The following RASSF3 variants were observed in gnomAD, a reference collection of about 807,000 sequenced individuals.
RASSF3 encodes ras association domain-containing protein 3.
RASSF3 carries 19 observed loss-of-function variants against 19.9 expected under a neutral mutation model. The observed-to-expected ratio is 0.96, with a 90% confidence interval of 0.67 to 1.40. The LOEUF is 1.40. Among genes scored for constraint, RASSF3 ranks in the 40% most tolerant of loss-of-function variants. The pLI is 0.00. For missense variants in RASSF3, 306 were observed against 289.8 expected (o/e 1.06, Z -0.41); for synonymous variants, 110 against 104.2 (o/e 1.06, Z -0.34).
chr12:64,514,053 CTTT>C (rs763156753), intron 1 of RASSF3, among the ~76,000 whole-genome samples: 2 of 133,622 alleles, frequency 1.5e-5, no homozygotes, highest in Non-Finnish European at 1.6e-5. Context: ...CTACTTTTTG[CTTT>C]TTTTTTTTTT....
intron 1 of RASSF3, among the ~76,000 whole-genome samples, chr12:64,680,666 T>C (rs1592466402): frequency 6.6e-6 from 1 of 151,900 alleles, no homozygotes; most frequent in Non-Finnish European, 1.5e-5. Context: ...CAGGCTGGAG[T>C]GCAATGGCGT....
intron 2 of RASSF3, among the ~76,000 whole-genome samples, chr12:64,553,007 G>A (rs1430588589): frequency 5.3e-5 from 8 of 152,044 alleles, no homozygotes; most frequent in African/African-American, 1.7e-4. Context: ...TCAGGAGATC[G>A]AGACCAGCCT....
chr12:64,516,593 T>A (rs1164321208), intron 1 of RASSF3, among the ~76,000 whole-genome samples: 1 of 136,830 alleles, frequency 7.3e-6, no homozygotes, highest in African/African-American at 2.9e-5. Context: ...CACTCCAGCC[T>A]GGGCGACAGA....
At chr12:64,636,562 G>T (rs1252274543) in intron 1 of RASSF3, among the ~76,000 whole-genome samples, 1 of 151,954 alleles carries the variant, frequency 6.6e-6, no homozygotes, top group Non-Finnish European at 1.5e-5. Context: ...AAAGGACCTG[G>T]GTGAGTTCCA....
chr12:64,621,857 A>G (rs1870781954), intron 1 of RASSF3, among the ~76,000 whole-genome samples: 2 of 152,184 alleles, frequency 1.3e-5, no homozygotes, highest in Admixed American at 1.3e-4. Context: ...TAGTTACAAC[A>G]TGGGAAAGGC....
At chr12:64,614,137 T>C (rs1376795493) in intron 1 of RASSF3, among the ~76,000 whole-genome samples, 4 of 150,752 alleles carry the variant, frequency 2.7e-5, no homozygotes, top group Admixed American at 2.0e-4. Context: ...CCATTTCTTT[T>C]TTTTTTTTTT....
In RASSF3 at chr12:64,671,648, TC is replaced by T. The variant is rs1394445183; in HGVS notation, c.112-13137del. On this transcript the variant is annotated intron_variant, in intron 1 of 4. Transcript: ENST00000542104. ...TAATAACTCCGGAGGACTTTTTACT[TC>T]CTTGGCAGGAGGAGGAAGGTGATTC... 2.6e-5 allele frequency among the ~76,000 whole-genome samples: 4 copies of T among 152,226 alleles called. No individual in the cohort carries two copies. In the East Asian group the frequency reaches 7.7e-4, roughly 29 times the overall value.
At chr12:64,562,072 C>G (rs1412580081) in intron 2 of RASSF3, among the ~76,000 whole-genome samples, 2 of 151,398 alleles carry the variant, frequency 1.3e-5, no homozygotes, top group African/African-American at 2.4e-5. Flanking sequence ...GGCTGGAATG[C>G]AGTGGTTGCC....
chr12:64,637,767 G>A (rs1871371825), intron 1 of RASSF3, among the ~76,000 whole-genome samples: 1 of 151,566 alleles, frequency 6.6e-6, no homozygotes, highest in South Asian at 2.1e-4. Context: ...TCCAAAGTGT[G>A]TGTATGTGAC....
intron 1 of RASSF3, among the ~76,000 whole-genome samples, chr12:64,676,166 A>ATTTTTTTTTTT (rs35376691): frequency 9.4e-6 from 1 of 106,404 alleles, no homozygotes; most frequent in Non-Finnish European, 1.8e-5. Context: ...CAGGAGTAGA[A>ATTTTTTTTTTT]TTTTTTTTTT....
intron 1 of RASSF3, among the ~76,000 whole-genome samples, chr12:64,513,704 C>T (rs1868342688): frequency 6.6e-6 from 1 of 152,104 alleles, no homozygotes; most frequent in South Asian, 2.1e-4. Flanking sequence ...AGGCTCAAAT[C>T]TCAAGAACCT....
At chr12:64,514,925 T>G (rs985963860) in intron 1 of RASSF3, among the ~76,000 whole-genome samples, 1 of 148,002 alleles carries the variant, frequency 6.8e-6, no homozygotes, top group Non-Finnish European at 1.5e-5. Context: ...TTGTTAGTTA[T>G]TGTATTTTTT....
chr12:64,527,319 C>T (rs1253893300), intron 1 of RASSF3, among the ~76,000 whole-genome samples: 2 of 152,184 alleles, frequency 1.3e-5, no homozygotes, highest in East Asian at 1.9e-4. Flanking sequence ...CCCTTCAGTA[C>T]CCCAGTGTCC....
At chr12:64,619,488 G>A (rs1228684828) in intron 1 of RASSF3, among the ~76,000 whole-genome samples, 1 of 152,182 alleles carries the variant, frequency 6.6e-6, no homozygotes, top group Middle Eastern at 3.4e-3. Context: ...ATTGCTAACT[G>A]CTGCTACATG....
chr12:64,552,455 C>T (rs937529576), intron 2 of RASSF3, among the ~76,000 whole-genome samples: 1 of 152,134 alleles, frequency 6.6e-6, no homozygotes, highest in Non-Finnish European at 1.5e-5. Flanking sequence ...CAGTTTGCTG[C>T]ACCTATCAAC....
chr12:64,564,661 C>G (rs577574677), intron 2 of RASSF3, among the ~76,000 whole-genome samples: 1 of 152,090 alleles, frequency 6.6e-6, no homozygotes, highest in African/African-American at 2.4e-5. Context: ...GGATTACAGG[C>G]GTGAGCCACT....
At chr12:64,510,844 CAA>C (rs1868323959) in intron 1 of RASSF3, among the ~76,000 whole-genome samples, 1 of 152,100 alleles carries the variant, frequency 6.6e-6, no homozygotes, top group South Asian at 2.1e-4. Flanking sequence ...AAACAGAGCT[CAA>C]GAGCATTGTA....
intron 1 of RASSF3, among the ~76,000 whole-genome samples, chr12:64,518,810 T>C (rs1868412272): frequency 6.6e-6 from 1 of 152,254 alleles, no homozygotes; most frequent in African/African-American, 2.4e-5. Flanking sequence ...CATATCTACC[T>C]GCTCTTGTTA....
intron 1 of RASSF3, chr12:64,622,501 G>A (rs1366173227): frequency 1.9e-6 from 1 of 530,866 alleles, no homozygotes; most frequent in Non-Finnish European, 3.9e-6. Context: ...CGATGAGAAA[G>A]GAATCGGCAT....
Sources: allele counts gnomAD v4.1 joint callset (sites outside exome capture counted in the v4.1 genomes callset), GRCh38; gene constraint gnomAD v4.1.1; transcripts MANE v1.5; gene names NCBI Gene and HGNC (gene_info 2026-07-23, HGNC 2026-07-21).